MGST2: variants seen among roughly 807,000 people sequenced by gnomAD.
MGST2 encodes the protein glutathione peroxidase MGST2.
MGST2 carries 9 observed loss-of-function variants against 16.6 expected under a neutral mutation model. The observed-to-expected ratio is 0.54, with a 90% CI of 0.33 to 0.95. MGST2 has a LOEUF of 0.95. Ranked by LOEUF, MGST2 falls within the 40% of genes least tolerant of loss-of-function variation. The pLI is 0.03. For synonymous variants in MGST2, 79 were observed against 68.0 expected, an observed-to-expected ratio of 1.16 and a Z score of -0.79; for missense variants, 159 against 175.1, an observed-to-expected ratio of 0.91 and a Z score of 0.52.
chr4:139,726,817 T>C (rs1728491014), intron 5 of MGST2, among the ~76,000 whole-genome samples: 1 of 152,156 alleles, frequency 6.6e-6, no homozygotes, highest in Non-Finnish European at 1.5e-5. Flanking sequence ...GCTACCAATA[T>C]GCTGGGAAGG....
At chr4:139,720,239 C>T (rs1728180161) in intron 5 of MGST2, 3 of 1,608,118 alleles carry the variant, frequency 1.9e-6, no homozygotes, top group African/African-American at 1.3e-5. Flanking sequence ...TCCCATCATG[C>T]CTGCGTTCTG....
chr4:139,694,740 G>A (rs1305405915), intron 2 of MGST2, among the ~76,000 whole-genome samples: 1 of 152,138 alleles, frequency 6.6e-6, no homozygotes, highest in Non-Finnish European at 1.5e-5. Context: ...CATAAAATGG[G>A]AATGAAATAT....
At chr4:139,728,982 C>T (rs569849097) in intron 5 of MGST2, among the ~76,000 whole-genome samples, 1 of 152,066 alleles carries the variant, frequency 6.6e-6, no homozygotes, top group Non-Finnish European at 1.5e-5. Context: ...ATTTACAGAG[C>T]CCAGCTGCCC....
At chr4:139,717,011 T>TAAAA (rs1053184163) in intron 5 of MGST2, 1 of 152,566 alleles carries the variant, frequency 6.6e-6, no homozygotes, top group Non-Finnish European at 1.5e-5. Flanking sequence ...AGGAATGAAA[T>TAAAA]AAAAATACTC....
chr4:139,681,552 AT>A (rs1731242308), intron 2 of MGST2, among the ~76,000 whole-genome samples: 1 of 152,092 alleles, frequency 6.6e-6, no homozygotes, highest in Non-Finnish European at 1.5e-5. Context: ...CCAATAACTT[AT>A]TTTTATTCTC....
downstream of MGST2, among the ~76,000 whole-genome samples, chr4:139,705,250 G>T (rs1256882602): frequency 1.3e-5 from 2 of 152,112 alleles, no homozygotes; most frequent in East Asian, 3.9e-4. Flanking sequence ...GTCTCCCTCT[G>T]CTGGCTTCCA....
At chr4:139,683,054 G>T (rs898448759) in intron 2 of MGST2, among the ~76,000 whole-genome samples, 2 of 152,126 alleles carry the variant, frequency 1.3e-5, no homozygotes, top group Non-Finnish European at 2.9e-5. Flanking sequence ...TATTCAGAAA[G>T]AATCAGTTTG....
chr4:139,716,562 G>GAA (rs1553949804), intron 5 of MGST2, among the ~76,000 whole-genome samples: 6 of 123,912 alleles, frequency 4.8e-5, no homozygotes, highest in Non-Finnish European at 9.8e-5. Context: ...AGTAAATTCA[G>GAA]AAAGTATCAT....
At chr4:139,707,706 C>CT (rs1318013999), downstream of MGST2, among the ~76,000 whole-genome samples, 1 of 133,262 alleles carries the variant, frequency 7.5e-6, no homozygotes, top group African/African-American at 2.8e-5. Flanking sequence ...TCCACATCCT[C>CT]TCCAGCACCT....
chr4:139,742,551 T>A (rs1226945560), downstream of MGST2, among the ~76,000 whole-genome samples: 1 of 152,216 alleles, frequency 6.6e-6, no homozygotes. Context: ...CTTAGTATCG[T>A]CCCTATTAAT....
At position 139,697,410 on chromosome 4, in the gene MGST2, T is replaced by C. The variant is rs189496943; in HGVS notation, c.229+2143T>C. ...TTTCTTAATGGTGCCTGGGAACTCA[T>C]GTATTGCTTCTTGGTTGGTAGAAGC... On this transcript the variant is annotated intron_variant, in intron 3 of 4. Transcript: ENST00000265498. Among the ~76,000 whole-genome samples, 28 of 152,340 alleles carry C rather than the reference T, an allele frequency of 1.8e-4. No homozygotes were observed. In the East Asian group the frequency reaches 5.2e-3, roughly 28 times the overall value.
At chr4:139,678,497 T>C in intron 1 of MGST2, 46 bp from the exon 2 acceptor site, 1 of 1,414,796 alleles carries the variant, frequency 7.1e-7, no homozygotes, top group Non-Finnish European at 1.0e-6. Context: ...CACTAATGAC[T>C]AATGACGTGC....
At chr4:139,703,329 A>T in intron 3 of MGST2, 126 bp from the exon 4 acceptor site, 1 of 802,718 alleles carries the variant, frequency 1.2e-6, no homozygotes, top group Non-Finnish European at 2.1e-6. Context: ...GATTCTCTCT[A>T]TATTCTGAAT....
rs568181825 is a variant in MGST2 at position 139,737,582 on chromosome 4, C to T, written c.*49-2630C>T. Among the ~76,000 whole-genome samples the T allele has an allele frequency of 8.4e-4, 127 of 151,914 alleles. 2 individuals carry two copies. Among genetic ancestry groups the T allele is most frequent in the South Asian group, 6.0e-3 (29 of 4,810 alleles). ...ATTTTTTTTAATATGTTGTCTGGTA[C>T]CCAAAATTGGGATGCCTCTGTGGTA... is the stretch of plus-strand genomic sequence containing the variant. On this transcript the variant is annotated intron_variant, in intron 5 of 5. Coordinates refer to the MGST2 transcript ENST00000616265.
At chr4:139,716,621 T>G (rs560518084) in intron 5 of MGST2, 1 of 152,734 alleles carries the variant, frequency 6.5e-6, no homozygotes, top group East Asian at 1.9e-4. Flanking sequence ...TCTCTCCCAT[T>G]AAATAAATGT....
At chr4:139,708,547 C>T (rs1727609288), downstream of MGST2, among the ~76,000 whole-genome samples, 1 of 152,106 alleles carries the variant, frequency 6.6e-6, no homozygotes, top group African/African-American at 2.4e-5. Flanking sequence ...GTGATGTGGG[C>T]TCTTTTTTGG....
intron 5 of MGST2, among the ~76,000 whole-genome samples, chr4:139,729,449 G>A (rs561733247): frequency 3.3e-5 from 5 of 152,192 alleles, no homozygotes; most frequent in South Asian, 2.1e-4. Context: ...GTGCGACCCC[G>A]TCTCTATTTC....
chr4:139,724,028 G>T (rs2110967576), intron 5 of MGST2, among the ~76,000 whole-genome samples: 1 of 152,272 alleles, frequency 6.6e-6, no homozygotes, highest in Non-Finnish European at 1.5e-5. Flanking sequence ...ATGATGACTA[G>T]TCCCCACTCT....
chr4:139,741,375 A>G (rs1186151453), downstream of MGST2, among the ~76,000 whole-genome samples: 2 of 152,166 alleles, frequency 1.3e-5, no homozygotes, highest in East Asian at 1.9e-4. Context: ...ATTTTTAGAC[A>G]TATTCTTCGA....
Sources: allele counts gnomAD v4.1 joint callset (sites outside exome capture counted in the v4.1 genomes callset), GRCh38; gene constraint gnomAD v4.1.1; transcripts MANE v1.5; gene names NCBI Gene and HGNC (gene_info 2026-07-23, HGNC 2026-07-21).